The following ST6GALNAC3 variants were observed in gnomAD, a reference collection of about 807,000 sequenced individuals.
The protein encoded by ST6GALNAC3 is ST6 N-acetylgalactosaminide alpha-2,6-sialyltransferase 3.
ST6GALNAC3 carries 25 observed loss-of-function variants against 32.7 expected under a neutral mutation model. That is an observed-to-expected ratio of 0.76 (90% CI 0.56 to 1.07). ST6GALNAC3 has a LOEUF of 1.07. ST6GALNAC3 is among the 50% of genes least tolerant of loss of function. The pLI is 0.00. For missense variants in ST6GALNAC3, 355 were observed against 382.4 expected (o/e 0.93, Z 0.60); for synonymous variants, 129 against 133.1 (o/e 0.97, Z 0.21).
chr1:76,358,440 A>G (rs1649667224), intron 2 of ST6GALNAC3, among the ~76,000 whole-genome samples: 1 of 152,154 alleles, frequency 6.6e-6, no homozygotes, highest in African/African-American at 2.4e-5. Context: ...GTCACCCTTG[A>G]CAGCTTCTTC....
intron 1 of ST6GALNAC3, among the ~76,000 whole-genome samples, chr1:76,251,982 C>T (rs1296659777): frequency 6.6e-6 from 1 of 152,114 alleles, no homozygotes; most frequent in African/African-American, 2.4e-5. Context: ...CAAACATGCT[C>T]AGGTTTCAAA....
intron 1 of ST6GALNAC3, among the ~76,000 whole-genome samples, chr1:76,172,925 G>T (rs1267524881): frequency 6.6e-6 from 1 of 152,132 alleles, no homozygotes; most frequent in East Asian, 1.9e-4. Context: ...GTAATTTACA[G>T]ATTCAATGCT....
At chr1:76,508,548 G>T (rs1195246493) in intron 3 of ST6GALNAC3, among the ~76,000 whole-genome samples, 1 of 152,064 alleles carries the variant, frequency 6.6e-6, no homozygotes, top group African/African-American at 2.4e-5. Flanking sequence ...TCGGCACCTG[G>T]GACCCAGTAT....
At chr1:76,622,821 T>G (rs1648733372) in intron 3 of ST6GALNAC3, among the ~76,000 whole-genome samples, 1 of 151,984 alleles carries the variant, frequency 6.6e-6, no homozygotes, top group African/African-American at 2.4e-5. Flanking sequence ...CATAATCCAG[T>G]TCTCTTTTGA....
At chr1:76,344,849 C>A (rs945631829) in intron 2 of ST6GALNAC3, among the ~76,000 whole-genome samples, 1 of 152,120 alleles carries the variant, frequency 6.6e-6, no homozygotes, top group African/African-American at 2.4e-5. Flanking sequence ...AGCTGTGAAA[C>A]GTTATGAGGT....
chr1:76,329,868 G>A (rs1181320168), intron 2 of ST6GALNAC3, among the ~76,000 whole-genome samples: 6 of 151,840 alleles, frequency 4.0e-5, no homozygotes, highest in Admixed American at 1.3e-4. Flanking sequence ...GAGTACAGTG[G>A]TGCAATCTCT....
At chr1:76,540,912 T>G (rs1283745939) in intron 3 of ST6GALNAC3, among the ~76,000 whole-genome samples, 1 of 152,150 alleles carries the variant, frequency 6.6e-6, no homozygotes, top group African/African-American at 2.4e-5. Flanking sequence ...GAAACCAATA[T>G]GTAAACAGAG....
At chr1:76,307,151 C>A (rs1661109223) in intron 1 of ST6GALNAC3, among the ~76,000 whole-genome samples, 1 of 152,044 alleles carries the variant, frequency 6.6e-6, no homozygotes, top group South Asian at 2.1e-4. Context: ...AAATTTCATC[C>A]AAAGGGTTAG....
chr1:76,420,142 A>G (rs1654931396), intron 3 of ST6GALNAC3, among the ~76,000 whole-genome samples: 1 of 151,978 alleles, frequency 6.6e-6, no homozygotes, highest in Non-Finnish European at 1.5e-5. Context: ...ACATCAAGCC[A>G]CCTGCTGACC....
chr1:76,140,549 GC>G (rs1236091029), intron 1 of ST6GALNAC3, among the ~76,000 whole-genome samples: 3 of 151,708 alleles, frequency 2.0e-5, no homozygotes, highest in African/African-American at 7.3e-5. Flanking sequence ...TATTGAAATT[GC>G]CTGTTTACTT....
intron 3 of ST6GALNAC3, among the ~76,000 whole-genome samples, chr1:76,510,650 A>G (rs887380336): frequency 6.6e-6 from 1 of 152,202 alleles, no homozygotes; most frequent in African/African-American, 2.4e-5. Context: ...ATGGGGTTAT[A>G]TTTGGATAAA....
rs543352188 is a variant in ST6GALNAC3 at position 76,325,293 on chromosome 1, A to G, written c.213+11294A>G. On this transcript the variant is annotated intron_variant, in intron 2 of 4. Coordinates refer to ENST00000328299, the MANE Select transcript of ST6GALNAC3 (RefSeq NM_152996.4). The stretch of plus-strand genomic sequence containing the variant: ...TTTAATACAATAAATATTTTGGCAG[A>G]GAAATAGTGAGTATTCTAGAAATAA... Among the ~76,000 whole-genome samples, 554 of 152,360 alleles carry G rather than the reference A, an allele frequency of 3.6e-3. 5 individuals are homozygous for G. Among genetic ancestry groups the G allele is most frequent in the African/African-American group, 0.013 (539 of 41,596 alleles).
chr1:76,321,078 C>T (rs1646958957), intron 2 of ST6GALNAC3, among the ~76,000 whole-genome samples: 1 of 151,872 alleles, frequency 6.6e-6, no homozygotes, highest in African/African-American at 2.4e-5. Context: ...GGTGGCCCTT[C>T]CTTTTGACCA....
chr1:76,308,574 C>T (rs1661205995), intron 1 of ST6GALNAC3, among the ~76,000 whole-genome samples: 1 of 152,096 alleles, frequency 6.6e-6, no homozygotes, highest in Admixed American at 6.6e-5. Context: ...AGACGTAGAA[C>T]ACATGTGTAA....
chr1:76,297,349 A>T (rs1012691848), intron 1 of ST6GALNAC3, among the ~76,000 whole-genome samples: 2 of 152,062 alleles, frequency 1.3e-5, no homozygotes, highest in African/African-American at 4.8e-5. Context: ...ATTCACCAAC[A>T]TCTCTTGCAC....
rs114460305 is a variant in ST6GALNAC3 at position 76,336,120 on chromosome 1, A to G, written c.213+22121A>G. Among the ~76,000 whole-genome samples the G allele has an allele frequency of 2.6e-3, 398 of 152,320 alleles. 2 individuals carry two copies. Among genetic ancestry groups the G allele is most frequent in the African/African-American group, 9.4e-3 (392 of 41,572 alleles). The stretch of plus-strand genomic sequence containing the variant: ...GCACAGCAGGCTGAGAGGGCTGGGA[A>G]GAAGCTATGATTTCTCACTGTGGAT... On this transcript the variant is annotated intron_variant, in intron 2 of 4. Transcript: ENST00000328299.
intron 2 of ST6GALNAC3, among the ~76,000 whole-genome samples, chr1:76,372,363 C>T (rs75825380): frequency 6.6e-6 from 1 of 152,046 alleles, no homozygotes; most frequent in African/African-American, 2.4e-5. Context: ...CACAGACATG[C>T]ACACACACGC....
intron 1 of ST6GALNAC3, among the ~76,000 whole-genome samples, chr1:76,112,104 G>A (rs1648013810): frequency 6.9e-6 from 1 of 145,330 alleles, no homozygotes; most frequent in Non-Finnish European, 1.5e-5. Flanking sequence ...GGGGCGGCTG[G>A]CCGGGCGGGG....
At chr1:76,350,771 T>C (rs1231732225) in intron 2 of ST6GALNAC3, among the ~76,000 whole-genome samples, 1 of 152,220 alleles carries the variant, frequency 6.6e-6, no homozygotes, top group Non-Finnish European at 1.5e-5. Flanking sequence ...TACTGTAATG[T>C]CTTTTAGTAC....
Sources: gnomAD v4.1 joint callset for allele counts (sites outside exome capture counted in the v4.1 genomes callset) on GRCh38, gnomAD v4.1.1 for gene constraint, MANE v1.5 for transcripts, NCBI Gene and HGNC (gene_info 2026-07-23, HGNC 2026-07-21) for gene names.